Variants in ADD1 observed in about 807,000 individuals in gnomAD.
ADD1 encodes alpha-adducin.
In ADD1, 24 loss-of-function variants were observed where a neutral mutation model predicts 80.5. That is an observed-to-expected ratio of 0.30 (90% CI 0.22 to 0.42). ADD1 has a LOEUF of 0.42. Among genes scored for constraint, ADD1 ranks in the 10% least tolerant of loss-of-function variants. The probability of loss-of-function intolerance (pLI) is 1.00; values close to 1 mark genes in which losing one functional copy is unlikely to be tolerated. For missense variants in ADD1, 948 were observed against 1,019.0 expected (o/e 0.93, Z 0.95); for synonymous variants, 373 against 393.8 (o/e 0.95, Z 0.63).
chr4:2,853,107 C>CT (rs1057511241), intron 1 of ADD1: 2,160 of 133,044 alleles, frequency 0.016, 23 homozygotes, highest in Non-Finnish European at 0.024. Flanking sequence ...TGGTCACTTA[C>CT]TTTTTTTTTT....
intron 13 of ADD1, among the ~76,000 whole-genome samples, chr4:2,913,247 C>T (rs376213854): frequency 6.6e-6 from 1 of 152,210 alleles, no homozygotes; most frequent in East Asian, 1.9e-4. Context: ...ATTTCATTGG[C>T]AGTGATATCA....
In ADD1 at chr4:2,881,984, T is replaced by A. The variant is rs776433418; in HGVS notation, c.282T>A (p.Ile94=). The change falls in exon 3 of 16, where the codon ATT becomes ATA. Residue 94 remains isoleucine, a synonymous_variant. Coordinates refer to ENST00000683351, the MANE Select transcript of ADD1 (RefSeq NM_001354761.2). ...NPTGLLALQQ[I]ADFMTTNVPN... The stretch of plus-strand genomic sequence containing the variant: ...CAGGCCTATTGGCATTACAGCAGAT[T>A]GCAGATTTTATGACCACGAATGTAC... The A allele has an allele frequency of 3.1e-6, 5 of 1,613,390 alleles. No individual in the cohort carries two copies. Among genetic ancestry groups the A allele is most frequent in the Non-Finnish European group, 4.2e-6 (5 of 1,179,826 alleles).
Position 2,872,362 on chromosome 4 carries a change from ATACTT to A in ADD1, c.-20-3531_-20-3527del, listed in dbSNP as rs201046504. 6.8e-3 allele frequency among the ~76,000 whole-genome samples: 1,035 copies of A among 152,366 alleles called. 7 individuals are homozygous for A. Among genetic ancestry groups the A allele is most frequent in the African/African-American group, 0.022 (927 of 41,586 alleles). ...TATTGAGATAGAGAAACATTCATCC[ATACTT>A]TAATCAACTTACTCAAATTTATTCC... is the stretch of plus-strand genomic sequence containing the variant. On this transcript the variant is annotated intron_variant, in intron 1 of 15. Transcript: ENST00000683351.
At chr4:2,901,605 G>A (rs1224346292) in intron 9 of ADD1, 2 of 152,136 alleles carry the variant, frequency 1.3e-5, no homozygotes, top group African/African-American at 4.8e-5. Flanking sequence ...TGGCATATAT[G>A]TTGTTTGCTA....
intron 1 of ADD1, among the ~76,000 whole-genome samples, chr4:2,845,883 C>T (rs969689292): frequency 5.9e-5 from 9 of 152,092 alleles, no homozygotes; most frequent in African/African-American, 2.2e-4. Flanking sequence ...GATTGACTGC[C>T]CTTCCTTTCT....
Position 2,884,581 on chromosome 4 carries a change from A to G in ADD1, c.425A>G (p.Glu142Gly), listed in dbSNP as rs1339763824. 1 of 1,613,468 alleles carries G rather than the reference A, an allele frequency of 6.2e-7. No individual in the cohort carries two copies. Among genetic ancestry groups the G allele is most frequent in the African/African-American group, 1.3e-5 (1 of 74,902 alleles). Residue 142 changes from glutamate to glycine, a missense_variant, in exon 4 of 16, where the codon GAG becomes GGG. Coordinates refer to ENST00000683351, the MANE Select transcript of ADD1 (RefSeq NM_001354761.2). ...GATTCTATTGCGTATGACAAAGGAG[A>G]GAAGTTATTACGGTGTAAATTGGCA... ...GSDSIAYDKG[E>G]KLLRCKLAAF... is the part of the protein sequence containing the mutation.
chr4:2,894,466 G>T (rs184427377), intron 5 of ADD1, 116 bp from the exon 6 acceptor site: 2 of 884,528 alleles, frequency 2.3e-6, no homozygotes, highest in East Asian at 5.7e-5. Context: ...GGCCGAGGTC[G>T]CACCACTGCA....
rs544392601 is a variant in ADD1 at position 2,926,186 on chromosome 4, G to A, written c.2047+74G>A. 2.1e-5 allele frequency: 29 copies of A among 1,352,816 alleles called. No homozygotes were observed. In the East Asian group the frequency reaches 5.8e-4, roughly 27 times the overall value. 83.8% of individuals were successfully genotyped at this position (1,352,816 alleles called of 1,614,324 possible). A position where few individuals can be genotyped will look rare whatever the true frequency, so the allele number is the denominator to read the frequency against. On this transcript the variant is annotated intron_variant, in intron 15 of 15. Coordinates refer to ENST00000683351, the MANE Select transcript of ADD1 (RefSeq NM_001354761.2). This position sits in a 1 kb window ranked among gnomAD's most constrained non-coding sequence, Gnocchi z 5.0. ...GTGCGCGCTGTGGCGGAATGTGGCG[G>A]GAGTCGTGTTAACAGCAACACGGAA...
intron 6 of ADD1, among the ~76,000 whole-genome samples, chr4:2,896,595 A>G (rs1735278815): frequency 6.6e-6 from 1 of 152,104 alleles, no homozygotes; most frequent in African/African-American, 2.4e-5. Flanking sequence ...TATGGTTCTT[A>G]TGTCAACATC....
chr4:2,892,110 A>G (rs1416872492), intron 4 of ADD1, among the ~76,000 whole-genome samples: 1 of 152,144 alleles, frequency 6.6e-6, no homozygotes, highest in Non-Finnish European at 1.5e-5. Flanking sequence ...AGGCTGGGGT[A>G]AGCATCCTCA....
chr4:2,902,781 C>G (rs942694191), intron 9 of ADD1: 2 of 152,004 alleles, frequency 1.3e-5, no homozygotes, highest in Non-Finnish European at 2.9e-5. Flanking sequence ...AATCCCAGCA[C>G]TTTGGGAGGC....
intron 3 of ADD1, among the ~76,000 whole-genome samples, chr4:2,883,892 C>T (rs1028299425): frequency 3.3e-5 from 5 of 152,076 alleles, no homozygotes; most frequent in South Asian, 2.1e-4. Context: ...AGGATGGTCT[C>T]GATCTCCTGA....
intron 1 of ADD1, among the ~76,000 whole-genome samples, chr4:2,868,501 C>T (rs1022990678): frequency 7.2e-5 from 11 of 152,170 alleles, no homozygotes; most frequent in Admixed American, 6.5e-4. Context: ...TGTTTCACTG[C>T]GTATTTCCTG....
intron 14 of ADD1, among the ~76,000 whole-genome samples, chr4:2,923,753 C>G (rs144322465): frequency 6.6e-6 from 1 of 152,272 alleles, no homozygotes; most frequent in Admixed American, 6.5e-5. Flanking sequence ...GCGTACATCT[C>G]ATCTCATTCT....
At chr4:2,920,205 T>C (rs368799555) in intron 14 of ADD1, among the ~76,000 whole-genome samples, 5 of 152,334 alleles carry the variant, frequency 3.3e-5, no homozygotes, top group African/African-American at 1.2e-4. Context: ...TCTGAGAGAC[T>C]GTTTGTTATG....
Position 2,926,344 on chromosome 4 carries a change from A to T in ADD1, c.2047+232A>T. The T allele has an allele frequency of 5.7e-6, 4 of 703,276 alleles. No individual in the cohort carries two copies. The South Asian group carries it at 6.0e-5, about 11-fold the overall frequency. 43.6% of individuals were successfully genotyped at this position (703,276 alleles called of 1,614,324 possible). ...AGGAAGGCCGGCCTCGGGGGTCGGA[A>T]CCCACCATGGTTGCTGGTGTCCACG... On this transcript the variant is annotated intron_variant, in intron 15 of 15. Coordinates refer to ENST00000683351, the MANE Select transcript of ADD1 (RefSeq NM_001354761.2). This position sits in a 1 kb window ranked among gnomAD's most constrained non-coding sequence, Gnocchi z 5.0.
intron 4 of ADD1, chr4:2,887,607 G>A (rs1418443073): frequency 6.6e-6 from 1 of 152,224 alleles, no homozygotes; most frequent in Non-Finnish European, 1.5e-5. Flanking sequence ...GCAGGTGCTT[G>A]TTCAACTCCA....
At chr4:2,893,350 C>G (rs1734629346) in intron 4 of ADD1, among the ~76,000 whole-genome samples, 1 of 152,004 alleles carries the variant, frequency 6.6e-6, no homozygotes, top group East Asian at 1.9e-4. Context: ...TGGCTCATGC[C>G]TGTAATCCCA....
chr4:2,872,517 T>A (rs1439178706), intron 1 of ADD1, among the ~76,000 whole-genome samples: 1 of 152,244 alleles, frequency 6.6e-6, no homozygotes. Flanking sequence ...AAAGAGTCTC[T>A]GTAGTTACAT....
Sources: gnomAD v4.1 joint callset for allele counts (sites outside exome capture counted in the v4.1 genomes callset) on GRCh38, gnomAD v4.1.1 for gene constraint, Gnocchi (gnomAD v3.1) non-coding constraint, MANE v1.5 for transcripts, NCBI Gene and HGNC (gene_info 2026-07-23, HGNC 2026-07-21) for gene names.